GRM6: variants seen among roughly 807,000 people sequenced by gnomAD.
The protein encoded by GRM6 is metabotropic glutamate receptor 6.
Under a neutral mutation model 78.4 loss-of-function variants are expected in GRM6, and 73 were observed. The observed-to-expected ratio is 0.93, with a 90% confidence interval of 0.77 to 1.13. The LOEUF is 1.13. Ranked by LOEUF, GRM6 falls within the 50% of genes most tolerant of loss-of-function variation. The pLI, the probability that GRM6 is intolerant of heterozygous loss-of-function variation, is 0.00. For synonymous variants in GRM6, 580 were observed against 555.0 expected (o/e 1.05, Z -0.63); for missense variants, 1,251 against 1,256.4 (o/e 1.00, Z 0.07).
chr5:178,984,065 G>A (rs537213231), intron 9 of GRM6, among the ~76,000 whole-genome samples: 4 of 152,286 alleles, frequency 2.6e-5, no homozygotes, highest in South Asian at 4.1e-4. Flanking sequence ...TTCTCCCAAA[G>A]GCAGCAGACC....
At position 178,986,491 on chromosome 5, in the gene GRM6, G is replaced by A. The variant is rs142780395; in HGVS notation, c.1763C>T (p.Pro588Leu). 1,040 of 1,610,612 alleles carry A rather than the reference G, an allele frequency of 6.5e-4. 2 individuals are homozygous for A. The highest frequency in any genetic ancestry group is 1.1e-3 in the Admixed American group (64 of 59,904). Residue 588 changes from proline to leucine, a missense_variant, in exon 9 of 11, where the codon CCG becomes CTG. By Grantham distance (98) the Pro-to-Leu change is moderately conservative. Coordinates refer to ENST00000517717, the MANE Select transcript of GRM6 (RefSeq NM_000843.4). ...GCCCAGCACGGCCAGGAGGAGCGGC[G>A]GGGCTGCCCAGGGGGAGGACCAGCT... ...RLSWSSPWAA[P>L]PLLLAVLGIV...
intron 5 of GRM6, chr5:178,989,742 G>C (rs116321463): frequency 0.024 from 9,529 of 402,508 alleles, 152 homozygotes; most frequent in African/African-American, 0.044. Flanking sequence ...CTTCTTTCCT[G>C]TTAGGATGCT....
At chr5:178,985,170 T>C (rs1760486525) in intron 9 of GRM6, 5 of 428,808 alleles carry the variant, frequency 1.2e-5, no homozygotes, top group African/African-American at 2.0e-5. Flanking sequence ...AGAGACTCCC[T>C]TGTGGAAACA....
chr5:178,985,035 A>C (rs976760614), intron 9 of GRM6, among the ~76,000 whole-genome samples: 6 of 152,012 alleles, frequency 3.9e-5, no homozygotes, highest in Non-Finnish European at 7.4e-5. Flanking sequence ...AAAATCCCCC[A>C]AAGGAGCTCC....
At chr5:178,990,196 C>G (rs1255238787) in intron 5 of GRM6, 1 of 294,344 alleles carries the variant, frequency 3.4e-6, no homozygotes, top group Non-Finnish European at 6.6e-6. Flanking sequence ...CTGGATTCAT[C>G]CAGATCCACA....
rs1760390367 is a variant in GRM6 at position 178,981,285 on chromosome 5, G to T, written c.*372C>A. The T allele has an allele frequency of 3.8e-6, 1 of 266,428 alleles. No individual in the cohort carries two copies. The highest frequency in any genetic ancestry group is 4.9e-5 in the South Asian group (1 of 20,544). The allele number at this position is 266,428 out of a possible 1,614,324, so 16.5% of individuals were successfully genotyped here. A position where few individuals can be genotyped will look rare whatever the true frequency, so the allele number is the denominator to read the frequency against. ...TTCTTCCACACTGCCCAATCCCCAG[G>T]TTATGGGGGTTGACTGAGGGGAGGA... On this transcript the variant is annotated 3_prime_UTR_variant, in exon 11 of 11. Transcript: ENST00000517717. The surrounding 1 kb of genome is among the most constrained non-coding windows in gnomAD (Gnocchi z 5.1).
At position 178,986,269 on chromosome 5, in the gene GRM6, G is replaced by A. The variant is rs1030073314; in HGVS notation, c.1985C>T (p.Thr662Ile). The change falls in exon 9 of 11, where the codon ACC (threonine) becomes ATC (isoleucine). Residue 662 changes from threonine (T) to isoleucine (I), a missense_variant. By Grantham distance (89) the Thr-to-Ile change is moderately conservative (BLOSUM62 -1). Coordinates refer to ENST00000517717, the MANE Select transcript of GRM6 (RefSeq NM_000843.4). Reference sequence around the variant, plus strand: ...GGTGAGCAGGGCAGAGTAGCTGAGGGTCGTGCCCAGGCCCAGGAAGAGCCT... The same window carrying A: ...GGTGAGCAGGGCAGAGTAGCTGAGGATCGTGCCCAGGCCCAGGAAGAGCCT... ...ARRLFLGLGT[T>I]LSYSALLTKT... The A allele has an allele frequency of 6.2e-6, 10 of 1,614,028 alleles. No homozygotes were observed. The highest frequency in any genetic ancestry group is 2.2e-5 in the East Asian group (1 of 44,882).
chr5:178,983,052 C>T lies in GRM6; in HGVS notation c.2294G>A (p.Cys765Tyr), dbSNP rs1226251567. 9.3e-6 allele frequency: 15 copies of T among 1,614,048 alleles called. No homozygotes were observed. Among genetic ancestry groups the T allele is most frequent in the Non-Finnish European group, 1.2e-5 (14 of 1,179,956 alleles). Residue 765 changes from cysteine (C) to tyrosine (Y), a missense_variant, in exon 10 of 11, where the codon TGC (cysteine) becomes TAC (tyrosine). Coordinates refer to ENST00000517717, the MANE Select transcript of GRM6 (RefSeq NM_000843.4). ...LGYSLLLMVTCTVYAIKARGV... is the reference protein window; with the variant it reads ...LGYSLLLMVTYTVYAIKARGV... ...ACGGGCCTTGATGGCGTACACTGTG[C>T]ACGTGACCATGAGCAGGAGGCTGTA...
intron 2 of GRM6, among the ~76,000 whole-genome samples, chr5:178,994,049 C>G (rs2113346737): frequency 6.6e-6 from 1 of 152,332 alleles, no homozygotes; most frequent in East Asian, 1.9e-4. Context: ...CTCAAAGTTG[C>G]AATATCACTC....
At position 178,992,131 on chromosome 5, in the gene GRM6, C is replaced by G; in HGVS notation, c.505-48G>C. On this transcript the variant is annotated intron_variant, in intron 2 of 10. Coordinates refer to ENST00000517717, the MANE Select transcript of GRM6 (RefSeq NM_000843.4). The surrounding 1 kb of genome is among the most constrained non-coding windows in gnomAD (Gnocchi z 4.9). ...GGGCTGTGGATGGAGGTCAGTAACTCAAGAGAGGGAGGGTAAGGGGGGCCC... is the reference window on the plus strand; with the variant it reads ...GGGCTGTGGATGGAGGTCAGTAACTGAAGAGAGGGAGGGTAAGGGGGGCCC... 7.4e-7 allele frequency: 1 copy of G among 1,357,764 alleles called. No homozygotes were observed. Among genetic ancestry groups the G allele is most frequent in the African/African-American group, 1.4e-5 (1 of 70,058 alleles). 84.1% of individuals were successfully genotyped at this position (1,357,764 alleles called of 1,614,324 possible).
Position 178,992,525 on chromosome 5 carries a change from G to C in GRM6, c.505-442C>G, listed in dbSNP as rs1760698370. 2 of 330,388 alleles carry C rather than the reference G, an allele frequency of 6.1e-6. No homozygotes were observed. Among genetic ancestry groups the C allele is most frequent in the Non-Finnish European group, 1.2e-5 (2 of 165,670 alleles). The allele number at this position is 330,388 out of a possible 1,614,324, so 20.5% of individuals were successfully genotyped here. On this transcript the variant is annotated intron_variant, in intron 2 of 10. Coordinates refer to ENST00000517717, the MANE Select transcript of GRM6 (RefSeq NM_000843.4). This position sits in a 1 kb window ranked among gnomAD's most constrained non-coding sequence, Gnocchi z 4.9. Reference sequence around the variant, plus strand: ...GACAGGCAGCCCTAGGAGGGATTAGGGCAGACAGGGGAGCAGCAGGGGATG... The same window carrying C: ...GACAGGCAGCCCTAGGAGGGATTAGCGCAGACAGGGGAGCAGCAGGGGATG...
In GRM6 at chr5:178,991,578, A is replaced by C. The variant is rs763971027; in HGVS notation, c.722-19T>G. 1.2e-6 allele frequency: 2 copies of C among 1,613,454 alleles called. No individual in the cohort carries two copies. Among genetic ancestry groups the C allele is most frequent in the African/African-American group, 2.7e-5 (2 of 74,876 alleles). On this transcript the variant is annotated intron_variant, in intron 3 of 10. Coordinates refer to ENST00000517717, the MANE Select transcript of GRM6 (RefSeq NM_000843.4). This position sits in a 1 kb window ranked among gnomAD's most constrained non-coding sequence, Gnocchi z 5.0. ...ACCCCCCCTGGGCGTTGGGGGTGCC[A>C]GAGTCAGCTTCCGTCCCACCCACCC...
intron 7 of GRM6, among the ~76,000 whole-genome samples, chr5:178,987,836 T>A (rs1049362072): frequency 2.6e-5 from 4 of 151,674 alleles, no homozygotes; most frequent in African/African-American, 9.7e-5. Context: ...CCCAGCTCAC[T>A]GCAACCTCTG....
Position 178,986,403 on chromosome 5 carries a change from C to T in GRM6, c.1851G>A (p.Arg617=), listed in dbSNP as rs760330070. ...FVRYNNTPIV[R]ASGRELSYVL... Reference sequence around the variant, plus strand: ...CGTAGCTGAGCTCTCGGCCCGAGGCCCGGACGATGGGCGTGTTGTTGTACC... The same window carrying T: ...CGTAGCTGAGCTCTCGGCCCGAGGCTCGGACGATGGGCGTGTTGTTGTACC... The change falls in exon 9 of 11, where the codon CGG becomes CGA. Residue 617 remains arginine (R), a synonymous_variant. Coordinates refer to ENST00000517717, the MANE Select transcript of GRM6 (RefSeq NM_000843.4). The T allele has an allele frequency of 6.2e-7, 1 of 1,613,866 alleles. No homozygotes were observed. Among genetic ancestry groups the T allele is most frequent in the South Asian group, 1.1e-5 (1 of 91,080 alleles).
chr5:178,986,529 A>C lies in GRM6; in HGVS notation c.1725T>G (p.Pro575=). ...GGGAGGACCAGCTCAGGCGCACCAC[A>C]GGTGTGGGGCGGCAGCCCGTGTGGT... The part of the protein sequence containing the change: ...TPNHTGCRPT[P]VVRLSWSSPW... The change falls in exon 9 of 11, where the codon CCT becomes CCG. Residue 575 remains proline, a synonymous_variant. Coordinates refer to ENST00000517717, the MANE Select transcript of GRM6 (RefSeq NM_000843.4). 1 of 1,608,236 alleles carries C rather than the reference A, an allele frequency of 6.2e-7. No individual in the cohort carries two copies.
intron 4 of GRM6, 77 bp from the exon 5 acceptor site, chr5:178,990,823 C>A: frequency 8.5e-7 from 1 of 1,183,094 alleles, no homozygotes. Context: ...CCCACTCTAT[C>A]CATCTCCCCT....
chr5:178,986,996 T>A lies in GRM6; in HGVS notation c.1355-13A>T, dbSNP rs1466215336. On this transcript the variant is annotated splice_polypyrimidine_tract_variant and intron_variant, in intron 7 of 10. Coordinates refer to ENST00000517717, the MANE Select transcript of GRM6 (RefSeq NM_000843.4). ...GTTCCTGCGCTGCCTGGAGAGAGAGTCCGTCATCCTCGGTGGTCCTCCAGC... is the reference window on the plus strand; with the variant it reads ...GTTCCTGCGCTGCCTGGAGAGAGAGACCGTCATCCTCGGTGGTCCTCCAGC... The A allele has an allele frequency of 1.9e-6, 3 of 1,611,418 alleles. No homozygotes were observed. Among genetic ancestry groups the A allele is most frequent in the Non-Finnish European group, 1.7e-6 (2 of 1,179,060 alleles).
At chr5:178,989,211 A>AACCCCCCCCCCCCCCC in intron 6 of GRM6, 54 bp downstream of exon 6, 2 of 121,740 alleles carry the variant, frequency 1.6e-5, no homozygotes, top group Non-Finnish European at 2.6e-5. Context: ...CCCCCTCCCC[A>AACCCCCCCCCCCCCCC]CCCTCACCAC....
At position 178,981,176 on chromosome 5, in the gene GRM6, T is replaced by C. The variant is rs1760388929; in HGVS notation, c.*481A>G. 6.1e-5 allele frequency: 11 copies of C among 179,214 alleles called. No homozygotes were observed. The South Asian group carries it at 1.5e-3, about 24-fold the overall frequency. 11.1% of individuals were successfully genotyped at this position (179,214 alleles called of 1,614,324 possible). On this transcript the variant is annotated 3_prime_UTR_variant, in exon 11 of 11. Transcript: ENST00000517717. This position sits in a 1 kb window ranked among gnomAD's most constrained non-coding sequence, Gnocchi z 5.1. ...TCCTACCCAGGCCTGAGTGCCTCCA[T>C]CCAGATGCACAGCCCCAGGTCTCCT... is the stretch of plus-strand genomic sequence containing the variant.
Sources: allele counts gnomAD v4.1 joint callset (sites outside exome capture counted in the v4.1 genomes callset), GRCh38; gene constraint gnomAD v4.1.1; non-coding constraint Gnocchi (gnomAD v3.1); transcripts MANE v1.5; gene names NCBI Gene and HGNC (gene_info 2026-07-23, HGNC 2026-07-21).